HNRNPK: variants seen among roughly 807,000 people sequenced by gnomAD.
The protein encoded by HNRNPK is dC-stretch binding protein.
HNRNPK carries 7 observed loss-of-function variants against 67.0 expected under a neutral mutation model. The observed-to-expected ratio is 0.10, with a 90% CI of 0.06 to 0.20. The LOEUF is 0.20. Ranked by LOEUF, HNRNPK falls within the 10% of genes least tolerant of loss-of-function variation. The pLI is 1.00. For missense variants in HNRNPK, 264 were observed against 606.5 expected (o/e 0.44, Z 5.93); for synonymous variants, 213 against 193.7 (o/e 1.10, Z -0.83).
Position 83,973,373 on chromosome 9 carries a change from A to G in HNRNPK, c.429T>C (p.Phe143=), listed in dbSNP as rs574179901. Residue 143 remains phenylalanine, a synonymous_variant, in exon 9 of 17, where the codon TTT becomes TTC. Transcript: ENST00000376263. The part of the protein sequence containing the change: ...LNYQHYKGSD[F]DCELRLLIHQ... ...GAATCAACAGCCTCAACTCGCAGTC[A>G]AAGTCACTTCCTTTATAGTGTTGGT... The G allele has an allele frequency of 1.9e-6, 3 of 1,608,510 alleles. No homozygotes were observed. Among genetic ancestry groups the G allele is most frequent in the East Asian group, 4.5e-5 (2 of 44,854 alleles).
Position 83,972,029 on chromosome 9 carries a change from C to A in HNRNPK, c.806G>T (p.Gly269Val). Residue 269 changes from glycine (G) to valine (V), a missense_variant, in exon 11 of 17, where the codon GGT becomes GTT. Physicochemically the swap from Gly to Val is moderately radical, Grantham distance 109. Transcript: ENST00000376263. Reference protein sequence around the residue: ...GGFDRMPPGRGGRPMPPSRRD... With the variant: ...GGFDRMPPGRVGRPMPPSRRD... The stretch of plus-strand genomic sequence containing the variant: ...TCTAGATGGAGGCATGGGACGCCCA[C>A]CCCGACCAGGAGGCATTCTGTCAAA... 2 of 1,613,900 alleles carry A rather than the reference C, an allele frequency of 1.2e-6. No individual in the cohort carries two copies. The highest frequency in any genetic ancestry group is 1.7e-6 in the Non-Finnish European group (2 of 1,179,852).
rs1956793682 is a variant in HNRNPK, at chr9:83,970,769, T to C, written c.1159A>G (p.Ile387Val). ...GGAATAGTTACTTGTGTAGTAATAA[T>C]AGGTCCACCAAGATCACCATATGAG... Reference protein sequence around the residue: ...RGSYGDLGGPIITTQVTIPKD... With the variant: ...RGSYGDLGGPVITTQVTIPKD... Residue 387 changes from isoleucine to valine, a missense_variant, in exon 15 of 17, where the codon ATT becomes GTT. By Grantham distance (29) the Ile-to-Val change is conservative. Coordinates refer to ENST00000376263, the MANE Select transcript of HNRNPK (RefSeq NM_031263.4). 6.2e-7 allele frequency: 1 copy of C among 1,606,370 alleles called. No homozygotes were observed. Among genetic ancestry groups the C allele is most frequent in the Non-Finnish European group, 8.5e-7 (1 of 1,173,088 alleles).
chr9:83,971,840 A>T, intron 11 of HNRNPK, 42 bp downstream of exon 11: 1 of 1,563,840 alleles, frequency 6.4e-7, no homozygotes, highest in Non-Finnish European at 8.7e-7. Flanking sequence ...TAATTCATAG[A>T]TGGGGGAAGA....
chr9:83,971,849 G>GA (rs1168224451), intron 11 of HNRNPK, 33 bp downstream of exon 11: 3 of 1,559,408 alleles, frequency 1.9e-6, no homozygotes, highest in Non-Finnish European at 2.6e-6. Flanking sequence ...GATGGGGGAA[G>GA]AAAAAACAAC....
At chr9:83,979,376 T>G (rs1474779660) in intron 1 of HNRNPK, among the ~76,000 whole-genome samples, 2 of 152,152 alleles carry the variant, frequency 1.3e-5, no homozygotes, top group Non-Finnish European at 2.9e-5. Flanking sequence ...ATAAGAAAGT[T>G]TAAGCAAAAA....
intron 15 of HNRNPK, 120 bp downstream of exon 15, chr9:83,970,617 A>G (rs537862835): frequency 2.7e-4 from 198 of 746,796 alleles, no homozygotes; most frequent in Non-Finnish European, 4.2e-4. Context: ...AAAGCCCATT[A>G]ACATAACCTC....
At chr9:83,971,821 G>A in intron 11 of HNRNPK, 61 bp downstream of exon 11, 4 of 1,576,872 alleles carry the variant, frequency 2.5e-6, no homozygotes, top group Non-Finnish European at 8.6e-7. Flanking sequence ...GCAGCCTCTT[G>A]CAGGTTAATA....
chr9:83,972,341 T>A (rs1235638872), intron 10 of HNRNPK, 152 bp from the exon 11 acceptor site: 1 of 611,458 alleles, frequency 1.6e-6, no homozygotes, highest in Non-Finnish European at 2.8e-6. Context: ...ACGCTAAAAG[T>A]AGCAAAGTAA....
intron 7 of HNRNPK, among the ~76,000 whole-genome samples, 163 bp downstream of exon 7, chr9:83,974,354 A>C (rs1158666542): frequency 2.6e-5 from 4 of 151,820 alleles, no homozygotes; most frequent in African/African-American, 7.3e-5. Context: ...TTTAAAAAAA[A>C]AAAAACAAAT....
At position 83,974,567 on chromosome 9, in the gene HNRNPK, T is replaced by C. The variant is rs754409901; in HGVS notation, c.280A>G (p.Ile94Val). ...TTCAGAATTTCTCCAATTGTTTCAA[T>C]ATCAGCACTGATACTCAATATGCTG... ...PERILSISAD[I>V]ETIGEILKKI... The change falls in exon 7 of 17, where the codon ATT becomes GTT. Residue 94 changes from isoleucine to valine, a missense_variant. Ile to Val is a conservative substitution (Grantham distance 29, BLOSUM62 3). This residue lies in a region of HNRNPK where 39 missense variants were observed against 54.4 expected (regional missense o/e 0.72). Transcript: ENST00000376263. The C allele has an allele frequency of 1.4e-5, 22 of 1,605,254 alleles. No homozygotes were observed. The highest frequency in any genetic ancestry group is 1.9e-5 in the Non-Finnish European group (22 of 1,174,652).
At chr9:83,971,760 G>C (rs1183470631) in intron 11 of HNRNPK, 34 bp from the exon 12 acceptor site, 2 of 1,603,606 alleles carry the variant, frequency 1.2e-6, no homozygotes, top group Non-Finnish European at 1.7e-6. Context: ...ATCTAAACGT[G>C]CTTACATGCC....
In HNRNPK at chr9:83,971,300, T is replaced by G; in HGVS notation, c.1065A>C (p.Ser355=). The G allele has an allele frequency of 6.2e-7, 1 of 1,611,854 alleles. No homozygotes were observed. Among genetic ancestry groups the G allele is most frequent in the Non-Finnish European group, 8.5e-7 (1 of 1,177,934 alleles). The change falls in exon 13 of 17, where the codon TCA becomes TCC. Residue 355 remains serine, a synonymous_variant. Transcript: ENST00000376263. The stretch of plus-strand genomic sequence containing the variant: ...GTGGTTCATAAGCCATCTGCCATTC[T>G]GATGGGCTCCATGTATCTATTGCAG... ...WDSAIDTWSP[S]EWQMAYEPQG... is the part of the protein sequence containing the mutation.
intron 4 of HNRNPK, among the ~76,000 whole-genome samples, 200 bp from the exon 5 acceptor site, chr9:83,977,251 T>C (rs1274736783): frequency 6.6e-6 from 1 of 152,226 alleles, no homozygotes; most frequent in Non-Finnish European, 1.5e-5. Context: ...CTAGATAGTT[T>C]GGAGTACTCA....
chr9:83,977,798 C>G lies in HNRNPK; in HGVS notation c.59-12G>C. On this transcript the variant is annotated splice_polypyrimidine_tract_variant and intron_variant, in intron 3 of 16. Coordinates refer to ENST00000376263, the MANE Select transcript of HNRNPK (RefSeq NM_031263.4). Reference sequence around the variant, plus strand: ...TGCAGGGCGTTTACCTAAAAATTAACAGTTCACATTTCAAAGAAAGCAGCG... The same window carrying G: ...TGCAGGGCGTTTACCTAAAAATTAAGAGTTCACATTTCAAAGAAAGCAGCG... 5 of 1,516,344 alleles carry G rather than the reference C, an allele frequency of 3.3e-6. No individual in the cohort carries two copies. The highest frequency in any genetic ancestry group is 4.6e-6 in the Non-Finnish European group (5 of 1,094,376). 93.9% of individuals were successfully genotyped at this position (1,516,344 alleles called of 1,614,324 possible). A position where few individuals can be genotyped will look rare whatever the true frequency, so the allele number is the denominator to read the frequency against.
chr9:83,969,607 A>G lies in HNRNPK; in HGVS notation c.1362-167T>C. ...CAAATTAAAGCAATGTTAAGTGTCA[A>G]GAAAAATGATGAGTAGTAAATCGGA... On this transcript the variant is annotated intron_variant, in intron 16 of 16. Coordinates refer to ENST00000376263, the MANE Select transcript of HNRNPK (RefSeq NM_031263.4). The G allele has an allele frequency of 4.8e-6, 3 of 628,802 alleles. No individual in the cohort carries two copies. In the South Asian group the frequency reaches 5.8e-5, roughly 12 times the overall value. The allele number at this position is 628,802 out of a possible 1,614,324, so 39.0% of individuals were successfully genotyped here.
chr9:83,969,237 G>C lies in HNRNPK; in HGVS notation c.*170C>G, dbSNP rs1956713118. 8.7e-6 allele frequency: 6 copies of C among 692,836 alleles called. No homozygotes were observed. The East Asian group carries it at 1.5e-4, about 17-fold the overall frequency. 42.9% of individuals were successfully genotyped at this position (692,836 alleles called of 1,614,324 possible). A position where few individuals can be genotyped will look rare whatever the true frequency, so the allele number is the denominator to read the frequency against. On this transcript the variant is annotated 3_prime_UTR_variant, in exon 17 of 17. Transcript: ENST00000376263. Reference sequence around the variant, plus strand: ...AACATTACATCTGGTGAACAGCAAAGATTTCACTACACCTCAAATGCAGAA... The same window carrying C: ...AACATTACATCTGGTGAACAGCAAACATTTCACTACACCTCAAATGCAGAA...
intron 12 of HNRNPK, 108 bp from the exon 13 acceptor site, chr9:83,971,464 A>ATGG: frequency 1.2e-6 from 1 of 842,330 alleles, no homozygotes; most frequent in Non-Finnish European, 2.0e-6. Context: ...GGGTACATAT[A>ATGG]TAGGCAGCAA....
intron 13 of HNRNPK, 110 bp from the exon 14 acceptor site, chr9:83,971,022 G>T: frequency 8.8e-7 from 1 of 1,133,212 alleles, no homozygotes. Context: ...GCCCAGGCTG[G>T]TCTCAAACTC....
intron 5 of HNRNPK, among the ~76,000 whole-genome samples, chr9:83,976,186 A>G (rs1358639246): frequency 6.6e-6 from 1 of 152,230 alleles, no homozygotes; most frequent in Non-Finnish European, 1.5e-5. Flanking sequence ...CAAATTTTCA[A>G]GTTCAGTTTA....
Sources: gnomAD v4.1 joint callset for allele counts (sites outside exome capture counted in the v4.1 genomes callset) on GRCh38, gnomAD v4.1.1 for gene constraint, gnomAD v4.1.1 regional missense constraint, MANE v1.5 for transcripts, NCBI Gene and HGNC (gene_info 2026-07-23, HGNC 2026-07-21) for gene names.